The following PREPL variants were observed in gnomAD, a reference collection of about 807,000 sequenced individuals.
PREPL encodes the protein prolyl endopeptidase-like.
In PREPL, 77 loss-of-function variants were observed where a neutral mutation model predicts 70.6. The observed-to-expected ratio is 1.09, with a 90% CI of 0.91 to 1.32. PREPL has a LOEUF of 1.32. Ranked by LOEUF, PREPL falls within the 40% of genes most tolerant of loss-of-function variation. PREPL has a pLI of 0.00. For missense variants in PREPL, 1,002 were observed against 778.2 expected, an observed-to-expected ratio of 1.29 and a Z score of -3.42; for synonymous variants, 315 against 264.8, an observed-to-expected ratio of 1.19 and a Z score of -1.84.
At chr2:44,330,733 T>C (rs1276908786) in intron 8 of PREPL, among the ~76,000 whole-genome samples, 1 of 152,212 alleles carries the variant, frequency 6.6e-6, no homozygotes, top group Non-Finnish European at 1.5e-5. Context: ...ATCTGATATA[T>C]GATATGCTAA....
At chr2:44,333,860 A>T (rs1674370063) in intron 7 of PREPL, among the ~76,000 whole-genome samples, 2 of 152,200 alleles carry the variant, frequency 1.3e-5, no homozygotes, top group African/African-American at 4.8e-5. Context: ...CACTGCTACA[A>T]ACCTCATAAC....
intron 5 of PREPL, among the ~76,000 whole-genome samples, chr2:44,340,789 A>G (rs76849843): frequency 6.6e-6 from 1 of 152,002 alleles, no homozygotes; most frequent in Admixed American, 6.6e-5. Flanking sequence ...TTAGCCAGGC[A>G]TGGTGGCAGG....
chr2:44,333,668 C>T (rs566714449), intron 7 of PREPL, among the ~76,000 whole-genome samples: 127 of 151,976 alleles, frequency 8.4e-4, no homozygotes, highest in African/African-American at 2.8e-3. Context: ...AGTAAGGACA[C>T]ACATCTGCAA....
chr2:44,355,778 T>TAC (rs1176913177), intron 1 of PREPL, among the ~76,000 whole-genome samples: 55 of 46,568 alleles, frequency 1.2e-3, no homozygotes, highest in East Asian at 6.6e-3. Flanking sequence ...TATATATATA[T>TAC]ACACACACAC....
chr2:44,346,420 T>A, intron 1 of PREPL, 30 bp from the exon 2 acceptor site: 1 of 1,603,078 alleles, frequency 6.2e-7, no homozygotes, highest in Non-Finnish European at 8.5e-7. Context: ...GATCAAAATA[T>A]TTCAAACTAG....
At position 44,320,737 on chromosome 2, in the gene PREPL, A is replaced by C; in HGVS notation, c.*619T>G. The C allele has an allele frequency of 1.1e-6, 1 of 940,840 alleles. No homozygotes were observed. The allele number at this position is 940,840 out of a possible 1,614,324, so 58.3% of individuals were successfully genotyped here. ...GCATGCTGCTTGGTGAACAATCATTAATTCTTCGATATTTCTGTAGCTTGA... is the reference window on the plus strand; with the variant it reads ...GCATGCTGCTTGGTGAACAATCATTCATTCTTCGATATTTCTGTAGCTTGA... On this transcript the variant is annotated 3_prime_UTR_variant, in exon 14 of 14. Coordinates refer to ENST00000409411, the MANE Select transcript of PREPL (RefSeq NM_001171613.2).
intron 7 of PREPL, among the ~76,000 whole-genome samples, chr2:44,335,757 T>C (rs1050449562): frequency 6.8e-6 from 1 of 147,854 alleles, no homozygotes; most frequent in African/African-American, 2.5e-5. Context: ...ATAGACAACC[T>C]ACAGAATGGG....
chr2:44,348,704 G>A (rs988849745), intron 1 of PREPL, among the ~76,000 whole-genome samples: 1 of 152,084 alleles, frequency 6.6e-6, no homozygotes, highest in African/African-American at 2.4e-5. Context: ...AACTCTGAAA[G>A]CAATAGGATT....
chr2:44,323,346 T>TA lies in PREPL; in HGVS notation c.1544dup (p.Leu515PhefsTer10), dbSNP rs777011302. ...CAGATGAAGGATTCCCCCATTCTTCTAATTCTTCTAATGTCAGAGGAAGTG... is the reference window on the plus strand; with the variant it reads ...CAGATGAAGGATTCCCCCATTCTTCTAAATTCTTCTAATGTCAGAGGAAGTG... On this transcript the variant is annotated frameshift_variant, in exon 11 of 14. Coordinates refer to ENST00000409411, the MANE Select transcript of PREPL (RefSeq NM_001171613.2). LOFTEE classifies it high-confidence loss of function. 1.9e-6 allele frequency: 3 copies of TA among 1,602,260 alleles called. No individual in the cohort carries two copies. The highest frequency in any genetic ancestry group is 2.6e-6 in the Non-Finnish European group (3 of 1,169,546).
chr2:44,354,308 G>C (rs1385028120), intron 1 of PREPL, among the ~76,000 whole-genome samples: 1 of 152,168 alleles, frequency 6.6e-6, no homozygotes, highest in Non-Finnish European at 1.5e-5. Context: ...TAAACACGTT[G>C]CTTATCTACA....
At chr2:44,356,661 T>G (rs1278915180) in intron 1 of PREPL, among the ~76,000 whole-genome samples, 1 of 152,226 alleles carries the variant, frequency 6.6e-6, no homozygotes, top group East Asian at 1.9e-4. Context: ...TCTCCAGGAT[T>G]TCTGATATAC....
intron 1 of PREPL, chr2:44,359,600 T>A: frequency 1.9e-6 from 3 of 1,611,602 alleles, no homozygotes; most frequent in Non-Finnish European, 2.5e-6. Context: ...TTTTATTCTA[T>A]TGTAACAATG....
intron 1 of PREPL, among the ~76,000 whole-genome samples, chr2:44,355,077 G>A (rs1368294599): frequency 6.6e-6 from 1 of 152,094 alleles, no homozygotes; most frequent in African/African-American, 2.4e-5. Context: ...TCTACTAATT[G>A]GGATAAAGAT....
At position 44,346,358 on chromosome 2, in the gene PREPL, T is replaced by C; in HGVS notation, c.-16A>G. 6.2e-7 allele frequency: 1 copy of C among 1,612,916 alleles called. No homozygotes were observed. The highest frequency in any genetic ancestry group is 8.5e-7 in the Non-Finnish European group (1 of 1,179,390). ...ATGCATCCATGTTTTCTGGAAGGGGTTTTTCGTTTTCTTGTTTAACAGGCT... is the reference window on the plus strand; with the variant it reads ...ATGCATCCATGTTTTCTGGAAGGGGCTTTTCGTTTTCTTGTTTAACAGGCT... On this transcript the variant is annotated 5_prime_UTR_variant, in exon 2 of 14. Transcript: ENST00000409411.
At chr2:44,345,762 T>G (rs934811529) in intron 2 of PREPL, among the ~76,000 whole-genome samples, 1 of 152,166 alleles carries the variant, frequency 6.6e-6, no homozygotes, top group African/African-American at 2.4e-5. Context: ...TATTAAAAAA[T>G]TTAGACAAAA....
rs1672687553 is a variant in PREPL, at chr2:44,319,004, A to T, written c.*2352T>A. On this transcript the variant is annotated 3_prime_UTR_variant, in exon 14 of 14. Coordinates refer to ENST00000409411, the MANE Select transcript of PREPL (RefSeq NM_001171613.2). The stretch of plus-strand genomic sequence containing the variant: ...AAGTAGACAATAATAGCTAACACTT[A>T]CCGGGCACTTCTTATGTGAGTGGCA... The T allele has an allele frequency of 6.6e-6, 1 of 152,256 alleles. No individual in the cohort carries two copies. The highest frequency in any genetic ancestry group is 1.5e-5 in the Non-Finnish European group (1 of 68,042). The allele number at this position is 152,256 out of a possible 1,614,324, so 9.4% of individuals were successfully genotyped here.
Position 44,318,058 on chromosome 2 carries a change from C to T in PREPL, c.*3298G>A. On this transcript the variant is annotated 3_prime_UTR_variant, in exon 14 of 14. Coordinates refer to ENST00000409411, the MANE Select transcript of PREPL (RefSeq NM_001171613.2). Reference sequence around the variant, plus strand: ...CATTCCTAATACTTAGAAATATTTGCACATGTGCACAATAATACTTAAAGG... The same window carrying T: ...CATTCCTAATACTTAGAAATATTTGTACATGTGCACAATAATACTTAAAGG... 2.3e-6 allele frequency: 1 copy of T among 426,710 alleles called. No individual in the cohort carries two copies. The highest frequency in any genetic ancestry group is 1.7e-5 in the South Asian group (1 of 60,478). The allele number at this position is 426,710 out of a possible 1,614,324, so 26.4% of individuals were successfully genotyped here.
chr2:44,361,198 C>T (rs1353012564), intron 1 of PREPL, among the ~76,000 whole-genome samples, 182 bp downstream of exon 1: 3 of 152,096 alleles, frequency 2.0e-5, no homozygotes, highest in African/African-American at 4.8e-5. Context: ...ATTCGTTTAC[C>T]CCGTGCAACT....
Position 44,358,834 on chromosome 2 carries a change from T to A in PREPL, c.-49+2546A>T, listed in dbSNP as rs947661706. Among the ~76,000 whole-genome samples the A allele has an allele frequency of 3.3e-5, 5 of 152,128 alleles. No homozygotes were observed. The East Asian group carries it at 9.6e-4, about 29-fold the overall frequency. ...TATTTTTCATTTTTTTACAGAGAAA[T>A]AAAATACAATTCATGGCCTTTACTG... On this transcript the variant is annotated intron_variant, in intron 1 of 13. Coordinates refer to ENST00000409411, the MANE Select transcript of PREPL (RefSeq NM_001171613.2).
Sources: gnomAD v4.1 joint callset for allele counts (sites outside exome capture counted in the v4.1 genomes callset) on GRCh38, gnomAD v4.1.1 for gene constraint, MANE v1.5 for transcripts, NCBI Gene and HGNC (gene_info 2026-07-23, HGNC 2026-07-21) for gene names.